GTF2H4: variants seen among roughly 807,000 people sequenced by gnomAD.
GTF2H4 encodes the protein BTF2 p52.
In GTF2H4, 49 loss-of-function variants were observed where a neutral mutation model predicts 62.2. The ratio of observed to expected loss-of-function variants is 0.79; its 90% confidence interval spans 0.63 to 1.00. The LOEUF (loss-of-function observed/expected upper bound fraction) is 1.00, where lower values mean the gene tolerates loss of function less well. Among genes scored for constraint, GTF2H4 ranks in the 50% least tolerant of loss-of-function variants. The pLI is 0.00. For missense variants in GTF2H4, 479 were observed against 587.8 expected (o/e 0.81, Z 1.91); for synonymous variants, 189 against 233.8 (o/e 0.81, Z 1.75).
In GTF2H4 at chr6:30,911,066, GC is replaced by G; in HGVS notation, c.561-90del. The G allele has an allele frequency of 7.5e-7, 1 of 1,324,708 alleles. No homozygotes were observed. Among genetic ancestry groups the G allele is most frequent in the Non-Finnish European group, 1.1e-6 (1 of 925,588 alleles). 82.1% of individuals were successfully genotyped at this position (1,324,708 alleles called of 1,614,324 possible). ...GAAAAGGCAAGCTGAGTAGAATATA[GC>G]CAGAGATACCAAGAAAAAACGTGAG... On this transcript the variant is annotated intron_variant, in intron 6 of 13. Transcript: ENST00000259895. The surrounding 1 kb of genome is among the most constrained non-coding windows in gnomAD (Gnocchi z 4.3).
rs2230121 is a variant in GTF2H4 at position 30,912,434 on chromosome 6, C to T, written c.1065C>T (p.Ile355=). 4.3e-3 allele frequency: 6,915 copies of T among 1,612,688 alleles called. 25 individuals are homozygous for T. The highest frequency in any genetic ancestry group is 0.011 in the Middle Eastern group (65 of 5,864). The change falls in exon 11 of 14, where the codon ATC becomes ATT. Residue 355 remains isoleucine (I), a synonymous_variant. Transcript: ENST00000259895. The surrounding 1 kb of genome is among the most constrained non-coding windows in gnomAD (Gnocchi z 4.8). ...QVTRESVQQA[I]ASGITAQQII... Reference sequence around the variant, plus strand: ...CCCGGGAGAGTGTGCAGCAGGCAATCGCCAGTGGCATCACAGCCCAGCAGG... The same window carrying T: ...CCCGGGAGAGTGTGCAGCAGGCAATTGCCAGTGGCATCACAGCCCAGCAGG...
In GTF2H4 at chr6:30,910,613, G is replaced by T. The variant is rs776650221; in HGVS notation, c.375-52G>T. ...CCCAAAGTACAGGGATTACAGGTGTGAGCCACTGCGCCTGGCCAGGGTTCC... is the reference window on the plus strand; with the variant it reads ...CCCAAAGTACAGGGATTACAGGTGTTAGCCACTGCGCCTGGCCAGGGTTCC... On this transcript the variant is annotated intron_variant, in intron 4 of 13. Coordinates refer to ENST00000259895, the MANE Select transcript of GTF2H4 (RefSeq NM_001517.5). The surrounding 1 kb of genome is among the most constrained non-coding windows in gnomAD (Gnocchi z 4.7). 4.6e-6 allele frequency: 6 copies of T among 1,304,820 alleles called. No homozygotes were observed. The highest frequency in any genetic ancestry group is 6.7e-6 in the Non-Finnish European group (6 of 901,046). The allele number at this position is 1,304,820 out of a possible 1,614,324, so 80.8% of individuals were successfully genotyped here.
Position 30,912,289 on chromosome 6 carries a change from G to T in GTF2H4, c.959-39G>T, listed in dbSNP as rs776839198. ...GAAGGGCTTGAGGGAGTCTGGGTGT[G>T]GGGGTGGCCTCCTCATCCTCTTTCT... On this transcript the variant is annotated intron_variant, in intron 10 of 13. Coordinates refer to ENST00000259895, the MANE Select transcript of GTF2H4 (RefSeq NM_001517.5). The surrounding 1 kb of genome is among the most constrained non-coding windows in gnomAD (Gnocchi z 4.8). 12 of 1,610,736 alleles carry T rather than the reference G, an allele frequency of 7.5e-6. No homozygotes were observed. Among genetic ancestry groups the T allele is most frequent in the Non-Finnish European group, 1.0e-5 (12 of 1,178,708 alleles).
chr6:30,910,156 C>A lies in GTF2H4; in HGVS notation c.374+93C>A. ...CTTTGGGAGGGGGAGCTCCTGGGGG[C>A]CTCCCCAGAACCTTGTGGTCTCCAC... On this transcript the variant is annotated intron_variant, in intron 4 of 13. Transcript: ENST00000259895. The surrounding 1 kb of genome is among the most constrained non-coding windows in gnomAD (Gnocchi z 4.7). The A allele has an allele frequency of 2.1e-6, 3 of 1,399,156 alleles. No homozygotes were observed. The highest frequency in any genetic ancestry group is 2.5e-5 in the South Asian group (2 of 78,532). 86.7% of individuals were successfully genotyped at this position (1,399,156 alleles called of 1,614,324 possible).
chr6:30,909,299 A>G lies in GTF2H4; in HGVS notation c.137+126A>G, dbSNP rs1582150679. ...GGGGGCAAGGGTTGGAAATTGCTCT[A>G]AAGTGTGGAGGCCAAAACAGCAGGA... On this transcript the variant is annotated intron_variant, in intron 2 of 13. Coordinates refer to ENST00000259895, the MANE Select transcript of GTF2H4 (RefSeq NM_001517.5). This position sits in a 1 kb window ranked among gnomAD's most constrained non-coding sequence, Gnocchi z 4.3. 9 of 1,327,382 alleles carry G rather than the reference A, an allele frequency of 6.8e-6. No homozygotes were observed. The highest frequency in any genetic ancestry group is 9.3e-6 in the Non-Finnish European group (9 of 966,212). 82.2% of individuals were successfully genotyped at this position (1,327,382 alleles called of 1,614,324 possible).
Position 30,911,050 on chromosome 6 carries a change from A to G in GTF2H4, c.561-108A>G, listed in dbSNP as rs928851726. On this transcript the variant is annotated intron_variant, in intron 6 of 13. Transcript: ENST00000259895. The surrounding 1 kb of genome is among the most constrained non-coding windows in gnomAD (Gnocchi z 4.3). ...CAGAGGACATTAGCTGGAAAAGGCAAGCTGAGTAGAATATAGCCAGAGATA... is the reference window on the plus strand; with the variant it reads ...CAGAGGACATTAGCTGGAAAAGGCAGGCTGAGTAGAATATAGCCAGAGATA... 7.5e-6 allele frequency: 10 copies of G among 1,325,702 alleles called. No individual in the cohort carries two copies. In the Admixed American group the frequency reaches 1.5e-4, roughly 20 times the overall value. The allele number at this position is 1,325,702 out of a possible 1,614,324, so 82.1% of individuals were successfully genotyped here. A position where few individuals can be genotyped will look rare whatever the true frequency, so the allele number is the denominator to read the frequency against.
intron 1 of GTF2H4, among the ~76,000 whole-genome samples, chr6:30,908,704 G>A (rs573790452): frequency 1.6e-4 from 25 of 152,258 alleles, no homozygotes; most frequent in Non-Finnish European, 3.2e-4. Flanking sequence ...AGAGGTGTGG[G>A]CTCAATTTTC....
chr6:30,910,497 T>C lies in GTF2H4; in HGVS notation c.375-168T>C. ...GGCACCCACCACGACGCCAGGCTAATTTTTTGTATTTTTAGTAGAGATGGG... is the reference window on the plus strand; with the variant it reads ...GGCACCCACCACGACGCCAGGCTAACTTTTTGTATTTTTAGTAGAGATGGG... On this transcript the variant is annotated intron_variant, in intron 4 of 13. Transcript: ENST00000259895. The surrounding 1 kb of genome is among the most constrained non-coding windows in gnomAD (Gnocchi z 4.7). The C allele has an allele frequency of 1.5e-6, 1 of 658,614 alleles. No homozygotes were observed. Among genetic ancestry groups the C allele is most frequent in the Non-Finnish European group, 2.8e-6 (1 of 360,252 alleles). 40.8% of individuals were successfully genotyped at this position (658,614 alleles called of 1,614,324 possible).
In GTF2H4 at chr6:30,910,000, G is replaced by A. The variant is rs752988381; in HGVS notation, c.311G>A (p.Gly104Glu). The A allele has an allele frequency of 6.2e-7, 1 of 1,612,962 alleles. No homozygotes were observed. The highest frequency in any genetic ancestry group is 8.5e-7 in the Non-Finnish European group (1 of 1,179,988). ...TGGCACACACAGCTGCTCCCAGGCG[G>A]GCTCCAGGGCCTCATCCTCAACCCC... ...RIWHTQLLPG[G>E]LQGLILNPIF... is the part of the protein sequence containing the mutation. The change falls in exon 4 of 14, where the codon GGG (glycine) becomes GAG (glutamate). Residue 104 changes from glycine (G) to glutamate (E), a missense_variant. By Grantham distance (98) the Gly-to-Glu change is moderately conservative. Coordinates refer to ENST00000259895, the MANE Select transcript of GTF2H4 (RefSeq NM_001517.5). This position sits in a 1 kb window ranked among gnomAD's most constrained non-coding sequence, Gnocchi z 4.3.
In GTF2H4 at chr6:30,910,561, C is replaced by A. The variant is rs529540513; in HGVS notation, c.375-104C>A. 3.4e-4 allele frequency: 273 copies of A among 812,230 alleles called. 1 individual carries two copies. Among genetic ancestry groups the A allele is most frequent in the Non-Finnish European group, 5.2e-4 (246 of 469,026 alleles). 50.3% of individuals were successfully genotyped at this position (812,230 alleles called of 1,614,324 possible). On this transcript the variant is annotated intron_variant, in intron 4 of 13. Coordinates refer to ENST00000259895, the MANE Select transcript of GTF2H4 (RefSeq NM_001517.5). This position sits in a 1 kb window ranked among gnomAD's most constrained non-coding sequence, Gnocchi z 4.7. ...GGCCAGGCTGGTCTTGAACTCCTGA[C>A]CTCAAGTGATCCGCCCATCTCGGCC...
At chr6:30,908,931 TG>T in intron 1 of GTF2H4, 102 bp from the exon 2 acceptor site, 2 of 1,269,978 alleles carry the variant, frequency 1.6e-6, no homozygotes, top group Non-Finnish European at 2.3e-6. Context: ...ACAGAAAAGG[TG>T]GGGTTATTGT....
Position 30,911,840 on chromosome 6 carries a change from T to G in GTF2H4, c.825+73T>G. 1 of 1,435,770 alleles carries G rather than the reference T, an allele frequency of 7.0e-7. No homozygotes were observed. Among genetic ancestry groups the G allele is most frequent in the Non-Finnish European group, 9.8e-7 (1 of 1,023,904 alleles). The allele number at this position is 1,435,770 out of a possible 1,614,324, so 88.9% of individuals were successfully genotyped here. ...TGTTGCCTTTGCCTTTAAAAAGGAG[T>G]GGGGTCTTGGGGCAGTAGCAGGAAG... On this transcript the variant is annotated intron_variant, in intron 9 of 13. Coordinates refer to ENST00000259895, the MANE Select transcript of GTF2H4 (RefSeq NM_001517.5). This position sits in a 1 kb window ranked among gnomAD's most constrained non-coding sequence, Gnocchi z 4.3.
In GTF2H4 at chr6:30,911,841, G is replaced by T; in HGVS notation, c.825+74G>T. 1 of 1,442,264 alleles carries T rather than the reference G, an allele frequency of 6.9e-7. No individual in the cohort carries two copies. Among genetic ancestry groups the T allele is most frequent in the Non-Finnish European group, 9.7e-7 (1 of 1,028,154 alleles). 89.3% of individuals were successfully genotyped at this position (1,442,264 alleles called of 1,614,324 possible). On this transcript the variant is annotated intron_variant, in intron 9 of 13. Coordinates refer to ENST00000259895, the MANE Select transcript of GTF2H4 (RefSeq NM_001517.5). The surrounding 1 kb of genome is among the most constrained non-coding windows in gnomAD (Gnocchi z 4.3). ...GTTGCCTTTGCCTTTAAAAAGGAGT[G>T]GGGTCTTGGGGCAGTAGCAGGAAGC...
rs1793620868 is a variant in GTF2H4, at chr6:30,908,377, G to C, written c.-30G>C. ...CGATTAAGCGACGGCCCGAGACTCGGGGTGCGCGAGGAGGATCGACAGAGT... is the reference window on the plus strand; with the variant it reads ...CGATTAAGCGACGGCCCGAGACTCGCGGTGCGCGAGGAGGATCGACAGAGT... On this transcript the variant is annotated 5_prime_UTR_variant, in exon 1 of 14. Transcript: ENST00000259895. The C allele has an allele frequency of 6.5e-6, 1 of 154,840 alleles. No individual in the cohort carries two copies. Among genetic ancestry groups the C allele is most frequent in the African/African-American group, 2.4e-5 (1 of 41,516 alleles). 9.6% of individuals were successfully genotyped at this position (154,840 alleles called of 1,614,324 possible).
Position 30,913,146 on chromosome 6 carries a change from A to T in GTF2H4, c.1126A>T (p.Met376Leu). 6.2e-7 allele frequency: 1 copy of T among 1,614,178 alleles called. No individual in the cohort carries two copies. The highest frequency in any genetic ancestry group is 8.5e-7 in the Non-Finnish European group (1 of 1,180,002). Reference protein sequence around the residue: ...HFLRTRAHPVMLKQTPVLPPT... With the variant: ...HFLRTRAHPVLLKQTPVLPPT... ...CCTAAGGACAAGAGCCCACCCAGTG[A>T]TGCTCAAACAGGTATAGACAGGCTC... Residue 376 changes from methionine (M) to leucine (L), a missense_variant, in exon 12 of 14, where the codon ATG becomes TTG. Coordinates refer to ENST00000259895, the MANE Select transcript of GTF2H4 (RefSeq NM_001517.5). This position sits in a 1 kb window ranked among gnomAD's most constrained non-coding sequence, Gnocchi z 4.2.
Position 30,909,506 on chromosome 6 carries a change from C to T in GTF2H4, c.209C>T (p.Ala70Val). 1.2e-6 allele frequency: 2 copies of T among 1,610,894 alleles called. No homozygotes were observed. Among genetic ancestry groups the T allele is most frequent in the Non-Finnish European group, 8.5e-7 (1 of 1,178,196 alleles). Reference sequence around the variant, plus strand: ...CTGGAGCAGCCTTTGCCACAGGCTGCTGTAGCTCTGTGGGTAAAGAAGGAA... The same window carrying T: ...CTGGAGCAGCCTTTGCCACAGGCTGTTGTAGCTCTGTGGGTAAAGAAGGAA... Reference protein sequence around the residue: ...LFLEQPLPQAAVALWVKKEFS... With the variant: ...LFLEQPLPQAVVALWVKKEFS... The change falls in exon 3 of 14, where the codon GCT becomes GTT. Residue 70 changes from alanine to valine, a missense_variant. Coordinates refer to ENST00000259895, the MANE Select transcript of GTF2H4 (RefSeq NM_001517.5). This position sits in a 1 kb window ranked among gnomAD's most constrained non-coding sequence, Gnocchi z 4.3.
Position 30,911,570 on chromosome 6 carries a change from G to A in GTF2H4, c.741+71G>A. The A allele has an allele frequency of 2.2e-6, 3 of 1,372,512 alleles. No individual in the cohort carries two copies. In the South Asian group the frequency reaches 3.5e-5, roughly 16 times the overall value. The allele number at this position is 1,372,512 out of a possible 1,614,324, so 85.0% of individuals were successfully genotyped here. Reference sequence around the variant, plus strand: ...GTTGTGGGGCAGTAGAGTAGACTGAGAAGATAAGAATGAAAACAGAACGAA... The same window carrying A: ...GTTGTGGGGCAGTAGAGTAGACTGAAAAGATAAGAATGAAAACAGAACGAA... On this transcript the variant is annotated intron_variant, in intron 8 of 13. Transcript: ENST00000259895. This position sits in a 1 kb window ranked among gnomAD's most constrained non-coding sequence, Gnocchi z 4.3.
At position 30,912,061 on chromosome 6, in the gene GTF2H4, A is replaced by T; in HGVS notation, c.873A>T (p.Ser291=). 2 of 1,612,944 alleles carry T rather than the reference A, an allele frequency of 1.2e-6. No homozygotes were observed. The highest frequency in any genetic ancestry group is 1.7e-5 in the Admixed American group (1 of 60,028). ...CCACACGCCTGGCCATCAATCTCTC[A>T]TCAGGTGTCTCTGGAGCTGGGGGCA... ...YYPTRLAINL[S]SGVSGAGGTV... The change falls in exon 10 of 14, where the codon TCA becomes TCT. Residue 291 remains serine, a synonymous_variant. Transcript: ENST00000259895. The surrounding 1 kb of genome is among the most constrained non-coding windows in gnomAD (Gnocchi z 4.8).
Position 30,912,546 on chromosome 6 carries a change from G to A in GTF2H4, c.1089+88G>A. ...GGTCACATTATGGAAGGCTAGCTCTGAGTCTGTTATAATAGGTGGTGGTGA... is the reference window on the plus strand; with the variant it reads ...GGTCACATTATGGAAGGCTAGCTCTAAGTCTGTTATAATAGGTGGTGGTGA... On this transcript the variant is annotated intron_variant, in intron 11 of 13. Transcript: ENST00000259895. The surrounding 1 kb of genome is among the most constrained non-coding windows in gnomAD (Gnocchi z 4.8). 1 of 1,528,712 alleles carries A rather than the reference G, an allele frequency of 6.5e-7. No homozygotes were observed. Among genetic ancestry groups the A allele is most frequent in the Admixed American group, 1.7e-5 (1 of 58,446 alleles). 94.7% of individuals were successfully genotyped at this position (1,528,712 alleles called of 1,614,324 possible). A position where few individuals can be genotyped will look rare whatever the true frequency, so the allele number is the denominator to read the frequency against.
Sources: gnomAD v4.1 joint callset for allele counts (sites outside exome capture counted in the v4.1 genomes callset) on GRCh38, gnomAD v4.1.1 for gene constraint, Gnocchi (gnomAD v3.1) non-coding constraint, MANE v1.5 for transcripts, NCBI Gene and HGNC (gene_info 2026-07-23, HGNC 2026-07-21) for gene names.